Variants in ZNF25 observed in about 807,000 individuals in gnomAD.
ZNF25 encodes zinc finger protein 25 (KOX 19).
ZNF25 carries 21 observed loss-of-function variants against 30.9 expected under a neutral mutation model. That is an observed-to-expected ratio of 0.68 (90% CI 0.48 to 0.98). The LOEUF (loss-of-function observed/expected upper bound fraction) is 0.98, where lower values mean the gene tolerates loss of function less well. Among genes scored for constraint, ZNF25 ranks in the 50% least tolerant of loss-of-function variants. The probability of loss-of-function intolerance (pLI) is 0.00; values close to 1 mark genes in which losing one functional copy is unlikely to be tolerated. For synonymous variants in ZNF25, 169 were observed against 181.3 expected, an observed-to-expected ratio of 0.93 and a Z score of 0.55; for missense variants, 501 against 529.9, an observed-to-expected ratio of 0.95 and a Z score of 0.54.
Position 37,952,551 on chromosome 10 carries a change from C to G in ZNF25, c.947G>C (p.Cys316Ser), listed in dbSNP as rs969796540. ...GTAGAAGCATTTCCTACATTCCTTACATTCATAGGGTTTCTCTCCTGTGTG... is the reference window on the plus strand; with the variant it reads ...GTAGAAGCATTTCCTACATTCCTTAGATTCATAGGGTTTCTCTCCTGTGTG... ...RSHTGEKPYE[C>S]KECRKCFYQK... Residue 316 changes from cysteine to serine, a missense_variant, in exon 6 of 6, where the codon TGT (cysteine) becomes TCT (serine). Physicochemically the swap from Cys to Ser is moderately radical, Grantham distance 112. Transcript: ENST00000302609. The G allele has an allele frequency of 4.6e-5, 74 of 1,613,620 alleles. No individual in the cohort carries two copies. The highest frequency in any genetic ancestry group is 5.6e-5 in the Non-Finnish European group (66 of 1,179,910).
At chr10:37,959,198 G>A (rs997824796) in intron 2 of ZNF25, among the ~76,000 whole-genome samples, 1 of 151,716 alleles carries the variant, frequency 6.6e-6, no homozygotes, top group African/African-American at 2.4e-5. Context: ...GAAACCAGGA[G>A]CCACTGAAGA....
chr10:37,959,280 G>A (rs2062714428), intron 2 of ZNF25, among the ~76,000 whole-genome samples: 1 of 152,102 alleles, frequency 6.6e-6, no homozygotes, highest in African/African-American at 2.4e-5. Flanking sequence ...TATAGAGGTG[G>A]CAAATGGCAC....
At chr10:37,955,544 G>A (rs963229440) in intron 4 of ZNF25, among the ~76,000 whole-genome samples, 1 of 152,156 alleles carries the variant, frequency 6.6e-6, no homozygotes, top group African/African-American at 2.4e-5. Flanking sequence ...CAAAGATGCT[G>A]GAGAGGTCAA....
chr10:37,958,581 C>T (rs1007609855), intron 2 of ZNF25, among the ~76,000 whole-genome samples: 7 of 152,200 alleles, frequency 4.6e-5, no homozygotes, highest in Admixed American at 3.9e-4. Context: ...AAATACATCT[C>T]TGCTTATTAA....
At chr10:37,953,533 T>C (rs1468632352) in intron 5 of ZNF25, among the ~76,000 whole-genome samples, 162 bp downstream of exon 5, 1 of 152,248 alleles carries the variant, frequency 6.6e-6, no homozygotes, top group Non-Finnish European at 1.5e-5. Context: ...ACAAGGTCTC[T>C]ATGAAAAGGG....
Position 37,952,002 on chromosome 10 carries a change from A to G in ZNF25, c.*125T>C. Reference sequence around the variant, plus strand: ...TCTCTCTATGTATTTGCTGATACACAGAGAGAGCAAAGATTGTAGCTGAAA... The same window carrying G: ...TCTCTCTATGTATTTGCTGATACACGGAGAGAGCAAAGATTGTAGCTGAAA... On this transcript the variant is annotated 3_prime_UTR_variant, in exon 6 of 6. Transcript: ENST00000302609. 3 of 819,796 alleles carry G rather than the reference A, an allele frequency of 3.7e-6. No individual in the cohort carries two copies. Among genetic ancestry groups the G allele is most frequent in the Non-Finnish European group, 5.6e-6 (3 of 538,702 alleles). The allele number at this position is 819,796 out of a possible 1,614,324, so 50.8% of individuals were successfully genotyped here.
chr10:37,954,709 C>A (rs2062405485), intron 4 of ZNF25, among the ~76,000 whole-genome samples: 1 of 152,164 alleles, frequency 6.6e-6, no homozygotes, highest in Non-Finnish European at 1.5e-5. Context: ...TAGTGACCTT[C>A]ATATTTATGC....
At chr10:37,966,241 T>C (rs562207481) in intron 2 of ZNF25, among the ~76,000 whole-genome samples, 2 of 152,084 alleles carry the variant, frequency 1.3e-5, no homozygotes, top group East Asian at 3.9e-4. Context: ...GGTGAAACCC[T>C]GTCTGTACTA....
At chr10:37,959,682 T>C in intron 2 of ZNF25, among the ~76,000 whole-genome samples, 1 of 152,056 alleles carries the variant, frequency 6.6e-6, no homozygotes, top group East Asian at 1.9e-4. Flanking sequence ...CAATCTCGGC[T>C]CACTGCAACC....
intron 1 of ZNF25, among the ~76,000 whole-genome samples, chr10:37,974,176 T>C (rs1400166454): frequency 6.6e-6 from 1 of 152,186 alleles, no homozygotes; most frequent in African/African-American, 2.4e-5. Flanking sequence ...TGAAACTACT[T>C]GAAGAAAACA....
Position 37,957,204 on chromosome 10 carries a change from A to G in ZNF25, c.143-89T>C, listed in dbSNP as rs1015741042. ...GAGGAAGTGGAGTTTCAGGATAATA[A>G]TGAAGGTTCCAGTTAGGCTTGGCAA... On this transcript the variant is annotated intron_variant, in intron 3 of 5. Transcript: ENST00000302609. 3.3e-5 allele frequency: 46 copies of G among 1,404,724 alleles called. No individual in the cohort carries two copies. The African/African-American group carries it at 6.0e-4, about 18-fold the overall frequency. The allele number at this position is 1,404,724 out of a possible 1,614,324, so 87.0% of individuals were successfully genotyped here.
At chr10:37,953,899 A>G in intron 4 of ZNF25, 141 bp from the exon 5 acceptor site, 2 of 730,744 alleles carry the variant, frequency 2.7e-6, no homozygotes, top group East Asian at 5.5e-5. Flanking sequence ...GTTTTGGGAA[A>G]AAAACCTAAA....
intron 4 of ZNF25, among the ~76,000 whole-genome samples, chr10:37,956,243 C>T (rs189273464): frequency 7.9e-5 from 12 of 151,978 alleles, no homozygotes; most frequent in Admixed American, 2.0e-4. Flanking sequence ...AGCAGCATAC[C>T]GATTTTTAAT....
At chr10:37,969,243 GC>G (rs1206393973) in intron 2 of ZNF25, among the ~76,000 whole-genome samples, 1 of 152,100 alleles carries the variant, frequency 6.6e-6, no homozygotes, top group African/African-American at 2.4e-5. Flanking sequence ...ACATAGAATT[GC>G]CATACATCCC....
At position 37,971,695 on chromosome 10, in the gene ZNF25, G is replaced by GTAAA; in HGVS notation, c.15+9_15+12dup. On this transcript the variant is annotated intron_variant, in intron 2 of 5. Transcript: ENST00000302609. ...CACAGTGAAACAAAGTTAGGGCTAA[G>GTAAA]TAAATGACTCACCTGGAACTTGTTC... 1 of 1,597,320 alleles carries GTAAA rather than the reference G, an allele frequency of 6.3e-7. No homozygotes were observed. The highest frequency in any genetic ancestry group is 8.5e-7 in the Non-Finnish European group (1 of 1,179,210).
intron 2 of ZNF25, among the ~76,000 whole-genome samples, chr10:37,966,286 C>G (rs886574816): frequency 6.6e-6 from 1 of 151,948 alleles, no homozygotes; most frequent in African/African-American, 2.4e-5. Context: ...TGGTGGCATG[C>G]ACCTATAATC....
In ZNF25 at chr10:37,952,022, C is replaced by G; in HGVS notation, c.*105G>C. The G allele has an allele frequency of 9.5e-7, 1 of 1,049,802 alleles. No homozygotes were observed. Among genetic ancestry groups the G allele is most frequent in the Non-Finnish European group, 1.4e-6 (1 of 735,786 alleles). The allele number at this position is 1,049,802 out of a possible 1,614,324, so 65.0% of individuals were successfully genotyped here. On this transcript the variant is annotated 3_prime_UTR_variant, in exon 6 of 6. Coordinates refer to ENST00000302609, the MANE Select transcript of ZNF25 (RefSeq NM_145011.4). ...TACACAGAGAGAGCAAAGATTGTAG[C>G]TGAAAATTTCCCTCTATTGATGCGA...
Position 37,952,996 on chromosome 10 carries a change from G to C in ZNF25, c.502C>G (p.His168Asp). The change falls in exon 6 of 6, where the codon CAC becomes GAC. Residue 168 changes from histidine (H) to aspartate (D), a missense_variant. Transcript: ENST00000302609. ...CACTCATAGGTTTTATCTCTCGTGT[G>C]AATTTTCTGATGTCTTATGAGGTCT... is the stretch of plus-strand genomic sequence containing the variant. ...NEDLIRHQKI[H>D]TRDKTYECKE... 10 of 1,613,988 alleles carry C rather than the reference G, an allele frequency of 6.2e-6. No homozygotes were observed. Among genetic ancestry groups the C allele is most frequent in the Non-Finnish European group, 8.5e-6 (10 of 1,179,998 alleles).
In ZNF25 at chr10:37,952,843, C is replaced by G; in HGVS notation, c.655G>C (p.Glu219Gln). Residue 219 changes from glutamate to glutamine, a missense_variant, in exon 6 of 6, where the codon GAA becomes CAA. Transcript: ENST00000302609. ...KSFYQKPHLT[E>Q]HQKTHTGEKP... ...TCCCCTGTGTGTGTTTTCTGATGTT[C>G]TGTGAGATGTGGTTTCTGGTAGAAG... 6.2e-7 allele frequency: 1 copy of G among 1,613,952 alleles called. No homozygotes were observed. Among genetic ancestry groups the G allele is most frequent in the East Asian group, 2.2e-5 (1 of 44,868 alleles).
Sources: gnomAD v4.1 joint callset for allele counts (sites outside exome capture counted in the v4.1 genomes callset) on GRCh38, gnomAD v4.1.1 for gene constraint, MANE v1.5 for transcripts, NCBI Gene and HGNC (gene_info 2026-07-23, HGNC 2026-07-21) for gene names.